PCDHA6: variants seen among roughly 807,000 people sequenced by gnomAD.
The protein encoded by PCDHA6 is protocadherin alpha 6.
PCDHA6 carries 55 observed loss-of-function variants against 60.3 expected under a neutral mutation model. The ratio of observed to expected loss-of-function variants is 0.91; its 90% CI spans 0.73 to 1.14. The LOEUF is 1.14. PCDHA6 is among the 50% of genes most tolerant of loss of function. PCDHA6 has a pLI of 0.00. For missense variants in PCDHA6, 1,327 were observed against 1,256.5 expected, an observed-to-expected ratio of 1.06 and a Z score of -0.85; for synonymous variants, 652 against 557.9, an observed-to-expected ratio of 1.17 and a Z score of -2.38.
chr5:140,843,527 A>G (rs1554140180), intron 1 of PCDHA6: 2 of 1,595,944 alleles, frequency 1.3e-6, no homozygotes, highest in East Asian at 4.5e-5. Context: ...CCGGGCGGGC[A>G]AGCCCACTCT....
Position 140,829,519 on chromosome 5 carries a change from G to T in PCDHA6, c.1428G>T (p.Thr476=), listed in dbSNP as rs140453889. 8.6e-4 allele frequency: 1,385 copies of T among 1,613,420 alleles called. 16 individuals carry two copies. The African/African-American group carries it at 0.017, about 19-fold the overall frequency. Reference sequence around the variant, plus strand: ...ACCCGCCGGGCTGCCACATCTTCACGGTGTCTGCGCGAGACGCGGACGCGC... The same window carrying T: ...ACCCGCCGGGCTGCCACATCTTCACTGTGTCTGCGCGAGACGCGGACGCGC... ...ENNPPGCHIF[T]VSARDADAQE... Residue 476 remains threonine (T), a synonymous_variant, in exon 1 of 4, where the codon ACG becomes ACT. Transcript: ENST00000529310.
chr5:140,871,524 G>A (rs1554165700), intron 1 of PCDHA6: 3 of 1,546,672 alleles, frequency 1.9e-6, no homozygotes, highest in Middle Eastern at 1.7e-4. Flanking sequence ...CACCTATCAG[G>A]AAGTGTATGT....
intron 1 of PCDHA6, among the ~76,000 whole-genome samples, chr5:140,901,586 T>C (rs550614771): frequency 9.2e-5 from 14 of 152,348 alleles, no homozygotes; most frequent in African/African-American, 3.4e-4. Context: ...AGTGCCATGA[T>C]GTTTTGGTTA....
chr5:140,856,328 C>A, intron 1 of PCDHA6: 1 of 1,598,592 alleles, frequency 6.3e-7, no homozygotes. Context: ...CCGCGAGGAG[C>A]TGTGCGGGCG....
At chr5:140,900,369 CTGGGT>C (rs1554189090) in intron 1 of PCDHA6, among the ~76,000 whole-genome samples, 2 of 152,158 alleles carry the variant, frequency 1.3e-5, no homozygotes, top group Non-Finnish European at 2.9e-5. Flanking sequence ...CCTCTGCCTC[CTGGGT>C]TCAAGCGATT....
intron 1 of PCDHA6, chr5:140,877,827 T>C (rs1554170143): frequency 1.2e-6 from 2 of 1,601,676 alleles, no homozygotes; most frequent in Middle Eastern, 1.7e-4. Flanking sequence ...ATTGTTTAAA[T>C]CCTCCCAGTG....
chr5:140,970,625 A>C (rs534910839), intron 1 of PCDHA6, among the ~76,000 whole-genome samples: 1 of 152,316 alleles, frequency 6.6e-6, no homozygotes, highest in Non-Finnish European at 1.5e-5. Context: ...CAAAAGCCAA[A>C]ATTTTGTACC....
chr5:140,949,779 T>A (rs1414817850), intron 1 of PCDHA6, among the ~76,000 whole-genome samples: 1 of 151,898 alleles, frequency 6.6e-6, no homozygotes, highest in East Asian at 1.9e-4. Context: ...ATTTGATATG[T>A]TTAGATTTGT....
chr5:140,985,941 G>T (rs553776294), intron 3 of PCDHA6, among the ~76,000 whole-genome samples: 2 of 151,978 alleles, frequency 1.3e-5, no homozygotes, highest in South Asian at 4.1e-4. Flanking sequence ...GGGTTTCACT[G>T]TGTTAGCCAG....
intron 1 of PCDHA6, among the ~76,000 whole-genome samples, chr5:140,908,047 C>T (rs976734426): frequency 4.6e-5 from 7 of 152,208 alleles, no homozygotes; most frequent in African/African-American, 1.7e-4. Context: ...AATTGCACAT[C>T]CGGCCATTTC....
rs1030293372 is a variant in PCDHA6 at position 140,856,468 on chromosome 5, A to C, written c.2394+25983A>C. ...TCTCCGTAACAGAACAAAAGCTCTC[A>C]ATACCTGAATCCAGACTGCTTGACT... On this transcript the variant is annotated intron_variant, in intron 1 of 3. Transcript: ENST00000529310. 2.2e-5 allele frequency: 35 copies of C among 1,597,788 alleles called. 3 individuals are homozygous for C. The East Asian group carries it at 7.4e-4, about 34-fold the overall frequency.
intron 1 of PCDHA6, among the ~76,000 whole-genome samples, chr5:140,936,526 C>T (rs183606913): frequency 6.6e-6 from 1 of 152,302 alleles, no homozygotes; most frequent in East Asian, 1.9e-4. Flanking sequence ...CCTGAAATTG[C>T]TTTTGAATAT....
chr5:140,888,275 G>A (rs974764035), intron 1 of PCDHA6, among the ~76,000 whole-genome samples: 1 of 152,056 alleles, frequency 6.6e-6, no homozygotes, highest in African/African-American at 2.4e-5. Context: ...AAACAGTTTT[G>A]TCCCCTCTAC....
chr5:140,875,961 C>G, intron 1 of PCDHA6: 1 of 1,614,004 alleles, frequency 6.2e-7, no homozygotes, highest in Non-Finnish European at 8.5e-7. Flanking sequence ...CGGATATCGG[C>G]GTAAACTCTC....
At chr5:140,868,536 T>C (rs2050515063) in intron 1 of PCDHA6, 1 of 152,638 alleles carries the variant, frequency 6.6e-6, no homozygotes, top group Non-Finnish European at 1.5e-5. Flanking sequence ...AGTAAAACAA[T>C]TCAAATTTGA....
At chr5:140,927,720 G>C (rs782475238) in intron 1 of PCDHA6, 8 of 1,614,056 alleles carry the variant, frequency 5.0e-6, no homozygotes, top group Non-Finnish European at 6.8e-6. Flanking sequence ...GCAACAGCAC[G>C]CAAGCAGAGC....
rs149656802 is a variant in PCDHA6, at chr5:141,008,452, C to T, written c.2543-1175C>T. ...TTTGCCCAGACAGACCATTACCCTTCCTCTCCAGCTCTGACTTCTACTCTT... is the reference window on the plus strand; with the variant it reads ...TTTGCCCAGACAGACCATTACCCTTTCTCTCCAGCTCTGACTTCTACTCTT... On this transcript the variant is annotated intron_variant, in intron 3 of 3. Coordinates refer to ENST00000529310, the MANE Select transcript of PCDHA6 (RefSeq NM_018909.4). Among the ~76,000 whole-genome samples, 286 of 152,284 alleles carry T rather than the reference C, an allele frequency of 1.9e-3. 2 individuals carry two copies. Among genetic ancestry groups the T allele is most frequent in the African/African-American group, 6.5e-3 (272 of 41,548 alleles).
At position 140,982,704 on chromosome 5, in the gene PCDHA6, C is replaced by T. The variant is rs1393323812; in HGVS notation, c.2542+141C>T. ...CTTTTTTCCATACATACATGATTTCCTTACATATATGATTATTTTGATTTT... is the reference window on the plus strand; with the variant it reads ...CTTTTTTCCATACATACATGATTTCTTTACATATATGATTATTTTGATTTT... On this transcript the variant is annotated intron_variant, in intron 3 of 3. Coordinates refer to ENST00000529310, the MANE Select transcript of PCDHA6 (RefSeq NM_018909.4). 8 of 1,377,410 alleles carry T rather than the reference C, an allele frequency of 5.8e-6. No homozygotes were observed. In the African/African-American group the frequency reaches 1.2e-4, roughly 20 times the overall value. The allele number at this position is 1,377,410 out of a possible 1,614,324, so 85.3% of individuals were successfully genotyped here. A position where few individuals can be genotyped will look rare whatever the true frequency, so the allele number is the denominator to read the frequency against.
intron 1 of PCDHA6, among the ~76,000 whole-genome samples, chr5:140,889,404 G>A (rs565254911): frequency 2.0e-5 from 3 of 151,972 alleles, no homozygotes; most frequent in South Asian, 2.1e-4. Context: ...TAATTTACTC[G>A]AGTCAGTTAC....
Sources: gnomAD v4.1 joint callset for allele counts (sites outside exome capture counted in the v4.1 genomes callset) on GRCh38, gnomAD v4.1.1 for gene constraint, MANE v1.5 for transcripts, NCBI Gene and HGNC (gene_info 2026-07-23, HGNC 2026-07-21) for gene names.